Variants in HPSE2 observed in about 807,000 individuals in gnomAD.
The protein encoded by HPSE2 is heparanase 2 (inactive), also known as inactive heparanase-2.
Under a neutral mutation model 60.5 loss-of-function variants are expected in HPSE2, and 38 were observed. That is an observed-to-expected ratio of 0.63 (90% confidence interval 0.48 to 0.82). The LOEUF (loss-of-function observed/expected upper bound fraction) is 0.82. HPSE2 is among the 40% of genes least tolerant of loss of function. The pLI, the probability that HPSE2 is intolerant of heterozygous loss-of-function variation, is 0.00. For synonymous variants in HPSE2, 295 were observed against 293.2 expected, an observed-to-expected ratio of 1.01 and a Z score of -0.06; for missense variants, 713 against 740.4, an observed-to-expected ratio of 0.96 and a Z score of 0.43.
At position 98,794,071 on chromosome 10, in the gene HPSE2, T is replaced by C. The variant is rs113639215; in HGVS notation, c.611-50015A>G. On this transcript the variant is annotated intron_variant, in intron 3 of 11. Coordinates refer to ENST00000370552, the MANE Select transcript of HPSE2 (RefSeq NM_021828.5). ...ATCAAGGACAGTTATGAAAGTACAGTTACCAAAATGAGGAAATTTTCATTG... is the reference window on the plus strand; with the variant it reads ...ATCAAGGACAGTTATGAAAGTACAGCTACCAAAATGAGGAAATTTTCATTG... Among the ~76,000 whole-genome samples, 1,363 of 152,226 alleles carry C rather than the reference T, an allele frequency of 9.0e-3. 26 individuals are homozygous for C. The highest frequency in any genetic ancestry group is 0.031 in the African/African-American group (1,305 of 41,524).
the HPSE2 span, among the ~76,000 whole-genome samples, chr10:99,279,310 C>A: frequency 6.6e-6 from 1 of 152,054 alleles, no homozygotes; most frequent in Non-Finnish European, 1.5e-5. Flanking sequence ...TACAGAAAGG[C>A]AGGATGATGC....
intron 2 of HPSE2, among the ~76,000 whole-genome samples, chr10:99,171,129 A>G (rs973806143): frequency 6.6e-6 from 1 of 152,216 alleles, no homozygotes; most frequent in Non-Finnish European, 1.5e-5. Context: ...AAAAACAGTC[A>G]GCAGTGATAT....
At chr10:98,656,009 G>A (rs567561045) in intron 6 of HPSE2, among the ~76,000 whole-genome samples, 79 of 152,066 alleles carry the variant, frequency 5.2e-4, no homozygotes, top group African/African-American at 1.9e-3. Flanking sequence ...ATGTGAACAG[G>A]ATAAAATCCA....
chr10:98,754,383 C>T (rs954974508), intron 3 of HPSE2, among the ~76,000 whole-genome samples: 3 of 152,132 alleles, frequency 2.0e-5, no homozygotes, highest in South Asian at 2.1e-4. Flanking sequence ...ATCTATGACT[C>T]GCTGGCATTC....
At chr10:98,848,342 T>C (rs183163570) in intron 3 of HPSE2, among the ~76,000 whole-genome samples, 1 of 151,906 alleles carries the variant, frequency 6.6e-6, no homozygotes, top group African/African-American at 2.4e-5. Flanking sequence ...CGCTTGAACC[T>C]GGGAGGCAGA....
At chr10:98,928,631 C>T (rs1334975675) in intron 3 of HPSE2, among the ~76,000 whole-genome samples, 3 of 127,174 alleles carry the variant, frequency 2.4e-5, no homozygotes, top group East Asian at 2.2e-4. Flanking sequence ...AAATGTGGCA[C>T]ATATACACCA....
At chr10:98,704,748 CA>C (rs1948502385) in intron 5 of HPSE2, among the ~76,000 whole-genome samples, 1 of 152,172 alleles carries the variant, frequency 6.6e-6, no homozygotes, top group Admixed American at 6.6e-5. Flanking sequence ...ACACCTTATA[CA>C]AACATTAACT....
chr10:99,299,552 A>G, the HPSE2 span, among the ~76,000 whole-genome samples: 1 of 152,178 alleles, frequency 6.6e-6, no homozygotes, highest in East Asian at 1.9e-4. Context: ...AAAAGCAAAG[A>G]ATTCAAGGTA....
chr10:98,686,841 G>C (rs914703381), intron 6 of HPSE2, among the ~76,000 whole-genome samples: 1 of 151,800 alleles, frequency 6.6e-6, no homozygotes, highest in Non-Finnish European at 1.5e-5. Context: ...TTTTACAGTT[G>C]AGCATATGGT....
At chr10:98,876,537 T>A (rs1487685429) in intron 3 of HPSE2, among the ~76,000 whole-genome samples, 1 of 151,944 alleles carries the variant, frequency 6.6e-6, no homozygotes, top group Non-Finnish European at 1.5e-5. Flanking sequence ...ACCAATAGAA[T>A]CTTCTTGGCT....
chr10:98,631,820 G>T (rs140876220), intron 7 of HPSE2, among the ~76,000 whole-genome samples: 1 of 152,134 alleles, frequency 6.6e-6, no homozygotes, highest in Non-Finnish European at 1.5e-5. Context: ...AAGTCTTGTC[G>T]TCTTCCACTA....
intron 6 of HPSE2, among the ~76,000 whole-genome samples, chr10:98,643,960 G>C (rs1221696963): frequency 6.6e-6 from 1 of 152,100 alleles, no homozygotes; most frequent in Non-Finnish European, 1.5e-5. Context: ...TTACACATCA[G>C]TATTTATAAT....
chr10:98,690,737 C>T (rs917947946), intron 6 of HPSE2, among the ~76,000 whole-genome samples: 2 of 151,078 alleles, frequency 1.3e-5, no homozygotes, highest in Non-Finnish European at 2.9e-5. Context: ...TATTATGATA[C>T]AAGCTACTCC....
intron 2 of HPSE2, among the ~76,000 whole-genome samples, chr10:99,181,397 CAAAAAAAAAAAAAA>C (rs58049545): frequency 9.5e-6 from 1 of 104,780 alleles, no homozygotes; most frequent in Non-Finnish European, 1.7e-5. Flanking sequence ...GACTCCGTCT[CAAAAAAAAAAAAAA>C]AAAAAAAAAA....
chr10:98,942,956 T>A lies in HPSE2; in HGVS notation c.611-198900A>T, dbSNP rs201079534. 1.7e-3 allele frequency among the ~76,000 whole-genome samples: 265 copies of A among 151,644 alleles called. 1 individual carries two copies. The highest frequency in any genetic ancestry group is 6.3e-3 in the African/African-American group (260 of 41,292). On this transcript the variant is annotated intron_variant, in intron 3 of 11. Coordinates refer to ENST00000370552, the MANE Select transcript of HPSE2 (RefSeq NM_021828.5). ...GGGACATGGATGAAATTGGAAATCA[T>A]CATTCTCAGTAAACTATCGCAAGGA...
chr10:98,628,541 G>A (rs185108358), intron 7 of HPSE2, among the ~76,000 whole-genome samples: 13 of 152,262 alleles, frequency 8.5e-5, no homozygotes, highest in Non-Finnish European at 1.9e-4. Flanking sequence ...GGAGTAAGAC[G>A]TACAAATGCT....
intron 4 of HPSE2, among the ~76,000 whole-genome samples, chr10:98,741,544 C>CA (rs112859735): frequency 0.038 from 5,824 of 151,984 alleles, 177 homozygotes; most frequent in East Asian, 0.12. Flanking sequence ...ACCCCCGCCA[C>CA]AAAATCACTC....
At chr10:98,643,569 A>G (rs1474360483) in intron 6 of HPSE2, among the ~76,000 whole-genome samples, 1 of 152,188 alleles carries the variant, frequency 6.6e-6, no homozygotes. Flanking sequence ...TCCAATAAAC[A>G]TTTATTATGT....
chr10:99,174,701 G>A (rs146775104), intron 2 of HPSE2, among the ~76,000 whole-genome samples: 14 of 152,174 alleles, frequency 9.2e-5, no homozygotes, highest in African/African-American at 3.1e-4. Flanking sequence ...CCTAACCCCC[G>A]GTACCTGAGA....
Sources: allele counts gnomAD v4.1 joint callset (sites outside exome capture counted in the v4.1 genomes callset), GRCh38; gene constraint gnomAD v4.1.1; transcripts MANE v1.5; gene names NCBI Gene and HGNC (gene_info 2026-07-23, HGNC 2026-07-21).